The following PPFIA2 variants were observed in gnomAD, a reference collection of about 807,000 sequenced individuals.
The protein encoded by PPFIA2 is PPFI scaffold protein A2, also known as liprin-alpha-2.
PPFIA2 carries 46 observed loss-of-function variants against 175.5 expected under a neutral mutation model. The ratio of observed to expected loss-of-function variants is 0.26; its 90% CI spans 0.21 to 0.34. PPFIA2 has a LOEUF of 0.34. Ranked by LOEUF, PPFIA2 falls within the 10% of genes least tolerant of loss-of-function variation. The probability of loss-of-function intolerance (pLI) is 1.00; values close to 1 mark genes in which losing one functional copy is unlikely to be tolerated. For missense variants in PPFIA2, 1,179 were observed against 1,506.1 expected, an observed-to-expected ratio of 0.78 and a Z score of 3.60; for synonymous variants, 568 against 511.4, an observed-to-expected ratio of 1.11 and a Z score of -1.49.
At chr12:81,529,909 A>G (rs1229613979) in intron 4 of PPFIA2, among the ~76,000 whole-genome samples, 1 of 151,992 alleles carries the variant, frequency 6.6e-6, no homozygotes, top group Non-Finnish European at 1.5e-5. Flanking sequence ...ATCTGTACAA[A>G]AAAAACCATG....
At chr12:81,732,035 A>C (rs765094824) in intron 3 of PPFIA2, among the ~76,000 whole-genome samples, 10 of 151,616 alleles carry the variant, frequency 6.6e-5, no homozygotes, top group Non-Finnish European at 1.5e-4. Context: ...GATATGAGAA[A>C]CACATGTGAA....
intron 4 of PPFIA2, among the ~76,000 whole-genome samples, chr12:81,462,585 C>CATATATATATATATATATATACACAT (rs368848726): frequency 2.4e-5 from 3 of 124,680 alleles, no homozygotes; most frequent in Admixed American, 8.8e-5. Flanking sequence ...TATATATATA[C>CATATATATATATATATATATACACAT]ATATATATAT....
chr12:81,467,269 A>T (rs1205177831), intron 4 of PPFIA2, among the ~76,000 whole-genome samples: 2 of 152,182 alleles, frequency 1.3e-5, no homozygotes, highest in Non-Finnish European at 2.9e-5. Flanking sequence ...ATTCTTGCTG[A>T]TCAAAAATTT....
chr12:81,744,718 G>A (rs985009412), intron 3 of PPFIA2, among the ~76,000 whole-genome samples: 2 of 152,154 alleles, frequency 1.3e-5, no homozygotes, highest in African/African-American at 2.4e-5. Flanking sequence ...GGGCCACTGC[G>A]CCCAGCCACA....
At chr12:81,516,142 G>A (rs1024584652) in intron 4 of PPFIA2, among the ~76,000 whole-genome samples, 27 of 152,030 alleles carry the variant, frequency 1.8e-4, no homozygotes, top group Admixed American at 5.9e-4. Context: ...GTTTCAGATA[G>A]ATTAGTTTTA....
chr12:81,428,450 T>C (rs539397913), intron 7 of PPFIA2, among the ~76,000 whole-genome samples: 1 of 152,166 alleles, frequency 6.6e-6, no homozygotes, highest in East Asian at 1.9e-4. Context: ...TTAACAGGTA[T>C]TGTTATAAAA....
intron 3 of PPFIA2, among the ~76,000 whole-genome samples, chr12:81,696,600 G>A (rs2075920124): frequency 6.6e-6 from 1 of 152,094 alleles, no homozygotes; most frequent in African/African-American, 2.4e-5. Flanking sequence ...CAGATCGAAT[G>A]GGGACCTCAT....
intron 3 of PPFIA2, among the ~76,000 whole-genome samples, chr12:81,686,225 TGGGA>T (rs1404483047): frequency 6.6e-6 from 1 of 152,168 alleles, no homozygotes; most frequent in East Asian, 1.9e-4. Flanking sequence ...TATCCTCTGA[TGGGA>T]GGATGATTAT....
At chr12:81,577,532 A>G (rs1567413898) in intron 4 of PPFIA2, among the ~76,000 whole-genome samples, 2 of 151,950 alleles carry the variant, frequency 1.3e-5, no homozygotes, top group Non-Finnish European at 2.9e-5. Context: ...GTTGACAAAC[A>G]ACATAGAAGT....
intron 4 of PPFIA2, among the ~76,000 whole-genome samples, chr12:81,604,689 C>T (rs1000904782): frequency 1.5e-4 from 23 of 151,650 alleles, no homozygotes; most frequent in Admixed American, 5.3e-4. Flanking sequence ...TACCACTTTA[C>T]GTGAAGGGTA....
intron 4 of PPFIA2, among the ~76,000 whole-genome samples, chr12:81,640,868 G>GT (rs893628655): frequency 6.8e-4 from 103 of 150,682 alleles, no homozygotes; most frequent in East Asian, 3.5e-3. Context: ...ATCATTTACA[G>GT]TTTTTTTTTG....
chr12:81,408,667 T>C (rs983660764), intron 7 of PPFIA2, among the ~76,000 whole-genome samples: 5 of 152,342 alleles, frequency 3.3e-5, no homozygotes, highest in East Asian at 1.9e-4. Flanking sequence ...TGAGCCACTA[T>C]GATTTTTAAA....
intron 4 of PPFIA2, among the ~76,000 whole-genome samples, chr12:81,578,299 A>G (rs142615971): frequency 0.012 from 1,886 of 151,828 alleles, 28 homozygotes; most frequent in Admixed American, 0.013. Context: ...AAAGGCAGAC[A>G]TATCAGGAAG....
intron 15 of PPFIA2, among the ~76,000 whole-genome samples, chr12:81,359,925 C>G (rs1480033302): frequency 6.6e-6 from 1 of 151,864 alleles, no homozygotes; most frequent in Non-Finnish European, 1.5e-5. Flanking sequence ...TTTTAAGGTA[C>G]TCTCTGCCTA....
At chr12:81,503,112 C>T (rs577463511) in intron 4 of PPFIA2, among the ~76,000 whole-genome samples, 1 of 152,302 alleles carries the variant, frequency 6.6e-6, no homozygotes, top group East Asian at 1.9e-4. Context: ...AATAACACTT[C>T]TTTCTCTCTG....
intron 7 of PPFIA2, chr12:81,430,378 G>C (rs908691155): frequency 6.6e-6 from 1 of 151,968 alleles, no homozygotes; most frequent in Non-Finnish European, 1.5e-5. Context: ...TTTAATCGCA[G>C]CTATTCTACT....
At chr12:81,469,703 A>G (rs2056396157) in intron 4 of PPFIA2, among the ~76,000 whole-genome samples, 1 of 152,242 alleles carries the variant, frequency 6.6e-6, no homozygotes, top group African/African-American at 2.4e-5. Flanking sequence ...CTCATACAAC[A>G]CAAGTTAAAA....
At chr12:81,757,400 C>G (rs1386011721) in intron 2 of PPFIA2, among the ~76,000 whole-genome samples, 1 of 152,124 alleles carries the variant, frequency 6.6e-6, no homozygotes, top group Non-Finnish European at 1.5e-5. Context: ...TCATTCCCCC[C>G]TCAAAGTCAA....
intron 3 of PPFIA2, among the ~76,000 whole-genome samples, chr12:81,678,714 T>C (rs1200143533): frequency 1.3e-5 from 2 of 151,888 alleles, no homozygotes; most frequent in South Asian, 2.1e-4. Flanking sequence ...TAAGGCAATA[T>C]AGAATCTGAA....
Sources: allele counts gnomAD v4.1 joint callset (sites outside exome capture counted in the v4.1 genomes callset), GRCh38; gene constraint gnomAD v4.1.1; transcripts MANE v1.5; gene names NCBI Gene and HGNC (gene_info 2026-07-23, HGNC 2026-07-21).